Variants in MAGI2 observed in about 807,000 individuals in gnomAD.
MAGI2 encodes the protein membrane associated guanylate kinase, WW and PDZ domain containing 2, also known as membrane-associated guanylate kinase, WW and PDZ domain-containing protein 2.
In MAGI2, 35 loss-of-function variants were observed where a neutral mutation model predicts 133.3. The ratio of observed to expected loss-of-function variants is 0.26; its 90% CI spans 0.20 to 0.35. The LOEUF (loss-of-function observed/expected upper bound fraction) is 0.35, where lower values mean the gene tolerates loss of function less well. Ranked by LOEUF, MAGI2 falls within the 10% of genes least tolerant of loss-of-function variation. MAGI2 has a pLI of 1.00. For synonymous variants in MAGI2, 729 were observed against 710.6 expected, an observed-to-expected ratio of 1.03 and a Z score of -0.41; for missense variants, 1,636 against 1,863.4, an observed-to-expected ratio of 0.88 and a Z score of 2.25.
At chr7:78,706,370 G>A (rs1229127826) in intron 2 of MAGI2, among the ~76,000 whole-genome samples, 1 of 149,866 alleles carries the variant, frequency 6.7e-6, no homozygotes, top group Non-Finnish European at 1.5e-5. Flanking sequence ...TTCACCCCCC[G>A]CCATGATTCC....
At chr7:79,186,723 A>G (rs1827181294) in intron 1 of MAGI2, among the ~76,000 whole-genome samples, 1 of 140,322 alleles carries the variant, frequency 7.1e-6, no homozygotes, top group South Asian at 2.1e-4. Context: ...ATATATTTAT[A>G]CAAAAGTATA....
intron 10 of MAGI2, among the ~76,000 whole-genome samples, chr7:78,230,731 C>T (rs143650105): frequency 1.2e-4 from 19 of 152,288 alleles, no homozygotes; most frequent in East Asian, 7.7e-4. Context: ...ATTAGCCTGA[C>T]GCCAGCTCAG....
intron 4 of MAGI2, chr7:78,509,469 A>C (rs1795384274): frequency 1.3e-5 from 2 of 152,250 alleles, no homozygotes; most frequent in Non-Finnish European, 1.5e-5. Flanking sequence ...AGAAGGGCTC[A>C]AAGATCTGTA....
At chr7:78,802,956 T>G (rs1788200752) in intron 2 of MAGI2, among the ~76,000 whole-genome samples, 2 of 151,522 alleles carry the variant, frequency 1.3e-5, no homozygotes, top group South Asian at 4.2e-4. Context: ...CTCTGACAGC[T>G]GTGATACTAG....
intron 2 of MAGI2, among the ~76,000 whole-genome samples, chr7:78,922,290 C>A (rs1799310536): frequency 6.6e-6 from 1 of 151,628 alleles, no homozygotes; most frequent in Non-Finnish European, 1.5e-5. Context: ...GTGCTGCACC[C>A]ATTAAGTCGT....
At chr7:79,167,930 G>A (rs1156414428) in intron 1 of MAGI2, among the ~76,000 whole-genome samples, 7 of 152,104 alleles carry the variant, frequency 4.6e-5, no homozygotes, top group African/African-American at 1.7e-4. Flanking sequence ...GGCCTGCCCA[G>A]GGTGGTAAAC....
intron 4 of MAGI2, among the ~76,000 whole-genome samples, chr7:78,515,093 G>T (rs1164196088): frequency 6.6e-6 from 1 of 152,176 alleles, no homozygotes; most frequent in Non-Finnish European, 1.5e-5. Flanking sequence ...CTAATAGCTT[G>T]TGAGGGGAAG....
chr7:79,028,318 CATATATATACATATATAT>C (rs1562805702), intron 1 of MAGI2, among the ~76,000 whole-genome samples: 1,348 of 24,162 alleles, frequency 0.056, 25 homozygotes, highest in Middle Eastern at 0.1. Flanking sequence ...TATATACACA[CATATATATACATATATAT>C]ACACACACAC....
chr7:78,162,535 A>C (rs1825160545), intron 15 of MAGI2, among the ~76,000 whole-genome samples: 5 of 122,488 alleles, frequency 4.1e-5, no homozygotes, highest in Admixed American at 1.8e-4. Context: ...AAAAAAAAAA[A>C]ACAAAAAACA....
chr7:78,464,744 T>C (rs556020309), intron 6 of MAGI2, among the ~76,000 whole-genome samples: 1 of 152,066 alleles, frequency 6.6e-6, no homozygotes, highest in East Asian at 1.9e-4. Flanking sequence ...TTTTTTTTTT[T>C]TTTTACAACA....
At chr7:78,941,236 T>G (rs1800939604) in intron 2 of MAGI2, among the ~76,000 whole-genome samples, 1 of 152,226 alleles carries the variant, frequency 6.6e-6, no homozygotes, top group African/African-American at 2.4e-5. Flanking sequence ...TCATCTATTG[T>G]GTCAAAGCAC....
intron 1 of MAGI2, among the ~76,000 whole-genome samples, chr7:79,347,241 C>T (rs1380958889): frequency 4.6e-5 from 7 of 151,760 alleles, no homozygotes; most frequent in East Asian, 3.9e-4. Flanking sequence ...AAAAATAGCA[C>T]GCTAAAATCA....
At chr7:78,949,765 A>G (rs1230191786) in intron 2 of MAGI2, among the ~76,000 whole-genome samples, 3 of 152,178 alleles carry the variant, frequency 2.0e-5, no homozygotes, top group Non-Finnish European at 4.4e-5. Context: ...CTGAGTTTCT[A>G]CCTGGTGACA....
chr7:78,745,478 C>T (rs529623609), intron 2 of MAGI2, among the ~76,000 whole-genome samples: 6 of 152,010 alleles, frequency 3.9e-5, no homozygotes, highest in African/African-American at 1.2e-4. Flanking sequence ...CTCCACATGT[C>T]AAGGTGGTCA....
At chr7:79,211,846 GT>G (rs1183653251) in intron 1 of MAGI2, among the ~76,000 whole-genome samples, 2 of 151,988 alleles carry the variant, frequency 1.3e-5, no homozygotes, top group Non-Finnish European at 2.9e-5. Flanking sequence ...AAGTAATATG[GT>G]GTAATAGAGT....
chr7:79,134,498 G>A (rs1821203108), intron 1 of MAGI2, among the ~76,000 whole-genome samples: 1 of 152,058 alleles, frequency 6.6e-6, no homozygotes, highest in Non-Finnish European at 1.5e-5. Context: ...ATGTATCTCA[G>A]CTGAAAGCCT....
At chr7:78,208,038 T>G (rs1787283908) in intron 10 of MAGI2, among the ~76,000 whole-genome samples, 1 of 151,950 alleles carries the variant, frequency 6.6e-6, no homozygotes, top group Non-Finnish European at 1.5e-5. Flanking sequence ...CCCGGCTAAT[T>G]TTTGTATTTT....
chr7:79,084,923 T>C (rs114909094), intron 1 of MAGI2, among the ~76,000 whole-genome samples: 2,763 of 151,972 alleles, frequency 0.018, 85 homozygotes, highest in African/African-American at 0.063. Flanking sequence ...TGATTTTCGA[T>C]AAGACTCATC....
chr7:78,351,111 G>A (rs1209917209), intron 7 of MAGI2, among the ~76,000 whole-genome samples: 3 of 152,078 alleles, frequency 2.0e-5, no homozygotes, highest in African/African-American at 7.2e-5. Context: ...AAGACATGAG[G>A]TACATAGTGC....
Sources: allele counts gnomAD v4.1 joint callset (sites outside exome capture counted in the v4.1 genomes callset), GRCh38; gene constraint gnomAD v4.1.1; transcripts MANE v1.5; gene names NCBI Gene and HGNC (gene_info 2026-07-23, HGNC 2026-07-21).